The following PAXBP1 variants were observed in gnomAD, a reference collection of about 807,000 sequenced individuals.
PAXBP1 encodes the protein PAX3- and PAX7-binding protein 1.
Under a neutral mutation model 119.9 loss-of-function variants are expected in PAXBP1, and 44 were observed. That is an observed-to-expected ratio of 0.37 (90% CI 0.29 to 0.47). The LOEUF is 0.47. Among genes scored for constraint, PAXBP1 ranks in the 20% least tolerant of loss-of-function variants. The pLI, the probability that PAXBP1 is intolerant of heterozygous loss-of-function variation, is 0.99. For missense variants in PAXBP1, 898 were observed against 1,134.1 expected (o/e 0.79, Z 2.99); for synonymous variants, 393 against 406.6 (o/e 0.97, Z 0.40).
chr21:32,738,435 A>G (rs2043725013), intron 15 of PAXBP1, 116 bp from the exon 16 acceptor site: 1 of 755,720 alleles, frequency 1.3e-6, no homozygotes, highest in Admixed American at 3.3e-5. Context: ...CCAAAGTACT[A>G]AGAAATATTA....
intron 2 of PAXBP1, among the ~76,000 whole-genome samples, chr21:32,767,697 C>A (rs986440412): frequency 3.3e-5 from 5 of 152,166 alleles, no homozygotes; most frequent in Non-Finnish European, 7.3e-5. Context: ...TTTTCTCTTG[C>A]TGCCGCCATG....
chr21:32,766,004 G>A lies in PAXBP1; in HGVS notation c.473-1480C>T, dbSNP rs542448646. On this transcript the variant is annotated intron_variant, in intron 2 of 17. Transcript: ENST00000331923. ...ACAAAAATTAGCTGGGCTTGGTGGC[G>A]CACACCTGTAGTCCCAGCTACTCAG... 5.9e-5 allele frequency among the ~76,000 whole-genome samples: 9 copies of A among 152,066 alleles called. No homozygotes were observed. The South Asian group carries it at 1.9e-3, about 32-fold the overall frequency.
At chr21:32,759,696 G>C (rs1337892345) in intron 6 of PAXBP1, 81 bp downstream of exon 6, 11 of 1,148,852 alleles carry the variant, frequency 9.6e-6, no homozygotes, top group Non-Finnish European at 1.4e-5. Flanking sequence ...CTGATATTCT[G>C]CATCTGCTAC....
intron 14 of PAXBP1, 138 bp from the exon 15 acceptor site, chr21:32,743,452 G>A: frequency 2.8e-6 from 2 of 707,340 alleles, no homozygotes; most frequent in Non-Finnish European, 4.6e-6. Context: ...CATTCTGGAA[G>A]ATAGTATGTT....
Position 32,743,281 on chromosome 21 carries a change from C to T in PAXBP1, c.2301G>A (p.Leu767=). 6.3e-7 allele frequency: 1 copy of T among 1,576,292 alleles called. No individual in the cohort carries two copies. Among genetic ancestry groups the T allele is most frequent in the Non-Finnish European group, 8.6e-7 (1 of 1,169,318 alleles). Residue 767 remains leucine, a synonymous_variant, in exon 15 of 18, where the codon TTG becomes TTA. Transcript: ENST00000331923. ...AAGACCAAAACTGTCGTTGAAAAAACAAGTAAGGCCCAGAATTTTTATTTT... is the reference window on the plus strand; with the variant it reads ...AAGACCAAAACTGTCGTTGAAAAAATAAGTAAGGCCCAGAATTTTTATTTT... ...VLENKNSGPY[L]FFQRQFWSSV... is the part of the protein sequence containing the mutation.
At chr21:32,737,179 C>A (rs1239552976) in intron 17 of PAXBP1, 75 bp downstream of exon 17, 15 of 1,145,482 alleles carry the variant, frequency 1.3e-5, no homozygotes, top group Non-Finnish European at 1.8e-5. Flanking sequence ...ATAAACATCT[C>A]TACTTAAAAC....
intron 15 of PAXBP1, among the ~76,000 whole-genome samples, chr21:32,739,661 C>A (rs113515091): frequency 0.066 from 9,965 of 151,944 alleles, 347 homozygotes; most frequent in African/African-American, 0.085. Flanking sequence ...AATCCCAGCA[C>A]TTTGGGAGGC....
At chr21:32,746,710 T>G (rs1211634198) in intron 11 of PAXBP1, among the ~76,000 whole-genome samples, 1 of 152,194 alleles carries the variant, frequency 6.6e-6, no homozygotes, top group African/African-American at 2.4e-5. Flanking sequence ...AGAAATGCCA[T>G]TTGACCCAGC....
At chr21:32,762,382 T>C in intron 3 of PAXBP1, 65 bp from the exon 4 acceptor site, 6 of 1,529,472 alleles carry the variant, frequency 3.9e-6, no homozygotes, top group South Asian at 2.4e-5. Flanking sequence ...CTTGAAAATA[T>C]GAAGGGTAAA....
At chr21:32,748,734 T>A (rs779897559) in intron 10 of PAXBP1, 36 bp from the exon 11 acceptor site, 1 of 1,546,148 alleles carries the variant, frequency 6.5e-7, no homozygotes. Flanking sequence ...AACCATACAT[T>A]AGTATGAAGT....
rs752679454 is a variant in PAXBP1 at position 32,759,933 on chromosome 21, G to A, written c.1037C>T (p.Pro346Leu). Residue 346 changes from proline (P) to leucine (L), a missense_variant, in exon 6 of 18, where the codon CCT becomes CTT. By Grantham distance (98) the Pro-to-Leu change is moderately conservative. Coordinates refer to ENST00000331923, the MANE Select transcript of PAXBP1 (RefSeq NM_016631.4). ...MYYQNTYQTM[P>L]YGSSYGIPYS... ...AGGAATGCCATAGGATGAGCCGTAA[G>A]GCATTGTCTGGTAAGTGTTCTGGTA... is the stretch of plus-strand genomic sequence containing the variant. 8 of 1,614,114 alleles carry A rather than the reference G, an allele frequency of 5.0e-6. No homozygotes were observed. Among genetic ancestry groups the A allele is most frequent in the South Asian group, 1.1e-5 (1 of 91,086 alleles).
chr21:32,743,224 T>C, intron 15 of PAXBP1, 24 bp downstream of exon 15: 1 of 1,547,756 alleles, frequency 6.5e-7, no homozygotes, highest in Non-Finnish European at 8.8e-7. Flanking sequence ...ATCTGAGTCT[T>C]TTAGATAGTC....
rs1275781418 is a variant in PAXBP1 at position 32,764,631 on chromosome 21, G to A, written c.473-107C>T. On this transcript the variant is annotated intron_variant, in intron 2 of 17. Coordinates refer to ENST00000331923, the MANE Select transcript of PAXBP1 (RefSeq NM_016631.4). ...AAAAATTTTTTTAATTAAAAAAAGG[G>A]GAACTTTTCATTCAATTATGGGCTC... is the stretch of plus-strand genomic sequence containing the variant. The A allele has an allele frequency of 6.1e-6, 5 of 820,978 alleles. No individual in the cohort carries two copies. In the East Asian group the frequency reaches 1.4e-4, roughly 23 times the overall value. The allele number at this position is 820,978 out of a possible 1,614,324, so 50.9% of individuals were successfully genotyped here.
intron 7 of PAXBP1, among the ~76,000 whole-genome samples, chr21:32,758,506 A>G (rs1051292967): frequency 9.2e-5 from 14 of 152,064 alleles, no homozygotes; most frequent in African/African-American, 2.9e-4. Context: ...TCAACTGACT[A>G]TCCTATTGAA....
At chr21:32,743,823 A>G in intron 13 of PAXBP1, 69 bp from the exon 14 acceptor site, 2 of 873,694 alleles carry the variant, frequency 2.3e-6, no homozygotes, top group Middle Eastern at 4.5e-4. Flanking sequence ...CATATTCCAA[A>G]TCATGTAACT....
intron 11 of PAXBP1, 82 bp downstream of exon 11, chr21:32,748,417 A>C (rs552934902): frequency 6.8e-4 from 951 of 1,400,544 alleles, no homozygotes; most frequent in Non-Finnish European, 8.7e-4. Context: ...TATTTTGCTT[A>C]AGCTTACATC....
At chr21:32,757,024 T>G (rs1384198670) in intron 7 of PAXBP1, among the ~76,000 whole-genome samples, 2 of 152,152 alleles carry the variant, frequency 1.3e-5, no homozygotes, top group East Asian at 3.8e-4. Context: ...TATTACTATT[T>G]TAGGGCCAAA....
chr21:32,765,050 A>AC (rs2044218109), intron 2 of PAXBP1, among the ~76,000 whole-genome samples: 1 of 152,172 alleles, frequency 6.6e-6, no homozygotes, highest in Non-Finnish European at 1.5e-5. Flanking sequence ...GTCACCTATC[A>AC]CCTAAAGAGA....
intron 11 of PAXBP1, among the ~76,000 whole-genome samples, chr21:32,746,648 T>C (rs975437023): frequency 1.3e-5 from 2 of 152,172 alleles, no homozygotes; most frequent in East Asian, 1.9e-4. Flanking sequence ...TTTTACACTA[T>C]TGGTGGGAGT....
Sources: gnomAD v4.1 joint callset for allele counts (sites outside exome capture counted in the v4.1 genomes callset) on GRCh38, gnomAD v4.1.1 for gene constraint, MANE v1.5 for transcripts, NCBI Gene and HGNC (gene_info 2026-07-23, HGNC 2026-07-21) for gene names.